The following APCDD1 variants were observed in gnomAD, a reference collection of about 807,000 sequenced individuals.
APCDD1 encodes APC down-regulated 1.
APCDD1 carries 15 observed loss-of-function variants against 38.1 expected under a neutral mutation model. The ratio of observed to expected loss-of-function variants is 0.39; its 90% confidence interval spans 0.26 to 0.61. APCDD1 has a LOEUF of 0.61. Among genes scored for constraint, APCDD1 ranks in the 20% least tolerant of loss-of-function variants. The probability of loss-of-function intolerance (pLI) is 0.49; values close to 1 mark genes in which losing one functional copy is unlikely to be tolerated. For missense variants in APCDD1, 647 were observed against 696.2 expected (o/e 0.93, Z 0.79); for synonymous variants, 261 against 279.7 (o/e 0.93, Z 0.67).
rs1000483762 is a variant in APCDD1, at chr18:10,487,474, T to C, written c.1097-116T>C. ...CAGATGGGTGGGTCTGTAGGTGGGA[T>C]TGTTTTTGGAAAAGAAAGCCTTGTC... On this transcript the variant is annotated intron_variant, in intron 4 of 4. Transcript: ENST00000355285. The C allele has an allele frequency of 9.7e-6, 10 of 1,033,092 alleles. No homozygotes were observed. In the African/African-American group the frequency reaches 1.4e-4, roughly 15 times the overall value. 64.0% of individuals were successfully genotyped at this position (1,033,092 alleles called of 1,614,324 possible). A position where few individuals can be genotyped will look rare whatever the true frequency, so the allele number is the denominator to read the frequency against.
In APCDD1 at chr18:10,472,096, G is replaced by A. The variant is rs1161729815; in HGVS notation, c.774+35G>A. 1 of 1,611,514 alleles carries A rather than the reference G, an allele frequency of 6.2e-7. No individual in the cohort carries two copies. The highest frequency in any genetic ancestry group is 1.1e-5 in the South Asian group (1 of 91,016). On this transcript the variant is annotated intron_variant, in intron 3 of 4. Transcript: ENST00000355285. The surrounding 1 kb of genome is among the most constrained non-coding windows in gnomAD (Gnocchi z 6.6). The stretch of plus-strand genomic sequence containing the variant: ...AGCTCTGTGTTCTCCTCTTTATTGA[G>A]TAAAGTGGGTGATCCTTCTTAAAGG...
rs1372991586 is a variant in APCDD1 at position 10,489,154 on chromosome 18, A to G, written c.*1116A>G. ...TGTCATTGCACATACTGGCTCACTC[A>G]GTGTCTTTCCTGCTGCTGATGTGGC... On this transcript the variant is annotated 3_prime_UTR_variant, in exon 5 of 5. Transcript: ENST00000355285. 1 of 152,360 alleles carries G rather than the reference A, an allele frequency of 6.6e-6. No individual in the cohort carries two copies. The highest frequency in any genetic ancestry group is 6.5e-5 in the Admixed American group (1 of 15,280). The allele number at this position is 152,360 out of a possible 1,614,324, so 9.4% of individuals were successfully genotyped here.
At chr18:10,481,353 G>C (rs1490184216) in intron 3 of APCDD1, among the ~76,000 whole-genome samples, 1 of 152,208 alleles carries the variant, frequency 6.6e-6, no homozygotes, top group African/African-American at 2.4e-5. Context: ...ATGAATATCA[G>C]CCTTAAAAGG....
chr18:10,482,360 C>T (rs114607775), intron 3 of APCDD1, among the ~76,000 whole-genome samples: 71 of 152,212 alleles, frequency 4.7e-4, no homozygotes, highest in African/African-American at 1.7e-3. Flanking sequence ...GTTGGGGAAG[C>T]GGGGCTGCCA....
At chr18:10,478,442 CACTT>C (rs1448043615) in intron 3 of APCDD1, among the ~76,000 whole-genome samples, 1 of 152,240 alleles carries the variant, frequency 6.6e-6, no homozygotes, top group Non-Finnish European at 1.5e-5. Context: ...GACAGCCACT[CACTT>C]CTCACAGTTC....
chr18:10,464,561 T>C (rs1310184693), intron 1 of APCDD1, among the ~76,000 whole-genome samples: 1 of 152,230 alleles, frequency 6.6e-6, no homozygotes, highest in African/African-American at 2.4e-5. Context: ...TAGCTGGGAC[T>C]ACAGGCATGT....
rs193144233 is a variant in APCDD1, at chr18:10,472,693, G to A, written c.774+632G>A. Among the ~76,000 whole-genome samples, 166 of 152,276 alleles carry A rather than the reference G, an allele frequency of 1.1e-3. No individual in the cohort carries two copies. The highest frequency in any genetic ancestry group is 3.7e-3 in the African/African-American group (153 of 41,548). ...CAAAGGTCCTTCCTCCATACCCCAC[G>A]TTCTTTTCATTTCACTAAGGAAAAT... is the stretch of plus-strand genomic sequence containing the variant. On this transcript the variant is annotated intron_variant, in intron 3 of 4. Coordinates refer to ENST00000355285, the MANE Select transcript of APCDD1 (RefSeq NM_153000.5). This position sits in a 1 kb window ranked among gnomAD's most constrained non-coding sequence, Gnocchi z 6.6.
chr18:10,471,599 G>A lies in APCDD1; in HGVS notation c.312G>A (p.Lys104=). The change falls in exon 3 of 5, where the codon AAG becomes AAA. Residue 104 remains lysine, a synonymous_variant. Transcript: ENST00000355285. The surrounding 1 kb of genome is among the most constrained non-coding windows in gnomAD (Gnocchi z 5.5). ...GATTCTACCACAATAACACCTTCAA[G>A]GCCTACCAATTTTATTATGGCAGCA... The part of the protein sequence containing the change: ...SYRFYHNNTF[K]AYQFYYGSNR... 1 of 1,614,138 alleles carries A rather than the reference G, an allele frequency of 6.2e-7. No homozygotes were observed. The highest frequency in any genetic ancestry group is 1.1e-5 in the South Asian group (1 of 91,082).
At position 10,471,466 on chromosome 18, in the gene APCDD1, TA is replaced by T; in HGVS notation, c.243-62del. 6.3e-7 allele frequency: 1 copy of T among 1,598,182 alleles called. No homozygotes were observed. The highest frequency in any genetic ancestry group is 8.6e-7 in the Non-Finnish European group (1 of 1,166,406). ...TTATTTCTGTAATTTCTTAATACTA[TA>T]ATGAATCTCTTTCCCATACCTTCAG... On this transcript the variant is annotated intron_variant, in intron 2 of 4. Transcript: ENST00000355285. The surrounding 1 kb of genome is among the most constrained non-coding windows in gnomAD (Gnocchi z 5.5).
Position 10,485,765 on chromosome 18 carries a change from A to G in APCDD1, c.1078A>G (p.Thr360Ala). 1 of 1,613,276 alleles carries G rather than the reference A, an allele frequency of 6.2e-7. No individual in the cohort carries two copies. Among genetic ancestry groups the G allele is most frequent in the Middle Eastern group, 1.7e-4 (1 of 6,060 alleles). ...CCTCTCGTCCAGGGTCATGGGAGGC[A>G]CCGAGTTCGTGTTCAAAGGTAGGAT... is the stretch of plus-strand genomic sequence containing the variant. ...GVLSSRVMGG[T>A]EFVFKVNHMK... Residue 360 changes from threonine (T) to alanine (A), a missense_variant, in exon 4 of 5, where the codon ACC (threonine) becomes GCC (alanine). Thr to Ala is a moderately conservative substitution (Grantham distance 58). Coordinates refer to ENST00000355285, the MANE Select transcript of APCDD1 (RefSeq NM_153000.5). The surrounding 1 kb of genome is among the most constrained non-coding windows in gnomAD (Gnocchi z 5.8).
At chr18:10,473,882 T>A (rs1018435659) in intron 3 of APCDD1, among the ~76,000 whole-genome samples, 7 of 151,778 alleles carry the variant, frequency 4.6e-5, no homozygotes, top group African/African-American at 1.7e-4. Flanking sequence ...GCTTCATACC[T>A]ACCTTTGGCT....
intron 3 of APCDD1, among the ~76,000 whole-genome samples, chr18:10,484,647 GA>G (rs1250545315): frequency 6.6e-6 from 1 of 152,068 alleles, no homozygotes; most frequent in East Asian, 1.9e-4. Flanking sequence ...ATCACTCTAG[GA>G]ACCTCATATA....
In APCDD1 at chr18:10,487,618, T is replaced by A; in HGVS notation, c.1125T>A (p.Asp375Glu). The A allele has an allele frequency of 2.5e-6, 4 of 1,614,158 alleles. No homozygotes were observed. The highest frequency in any genetic ancestry group is 1.7e-6 in the Non-Finnish European group (2 of 1,180,042). Residue 375 changes from aspartate to glutamate, a missense_variant, in exon 5 of 5, where the codon GAT (aspartate) becomes GAA (glutamate). Physicochemically the swap from Asp to Glu is conservative, Grantham distance 45. Transcript: ENST00000355285. Reference sequence around the variant, plus strand: ...ATCACATGAAGGTCACCCCCATGGATGCGGCCACAGCCTCACTGCTCAACG... The same window carrying A: ...ATCACATGAAGGTCACCCCCATGGAAGCGGCCACAGCCTCACTGCTCAACG... ...KVNHMKVTPM[D>E]AATASLLNVF...
intron 1 of APCDD1, among the ~76,000 whole-genome samples, chr18:10,456,774 T>C (rs2030392524): frequency 6.6e-6 from 1 of 152,126 alleles, no homozygotes; most frequent in Non-Finnish European, 1.5e-5. Flanking sequence ...GCTCCAAATC[T>C]CCTGAGTTTG....
At position 10,485,835 on chromosome 18, in the gene APCDD1, A is replaced by T; in HGVS notation, c.1096+52A>T. On this transcript the variant is annotated intron_variant, in intron 4 of 4. Transcript: ENST00000355285. The surrounding 1 kb of genome is among the most constrained non-coding windows in gnomAD (Gnocchi z 5.8). ...ATCACAGCCAATAAACAGCCCTGTGACATTTTTGTGGAGGCAGAGCTGAGG... is the reference window on the plus strand; with the variant it reads ...ATCACAGCCAATAAACAGCCCTGTGTCATTTTTGTGGAGGCAGAGCTGAGG... 1 of 1,588,462 alleles carries T rather than the reference A, an allele frequency of 6.3e-7. No homozygotes were observed. The highest frequency in any genetic ancestry group is 8.6e-7 in the Non-Finnish European group (1 of 1,167,802).
chr18:10,462,691 T>TG (rs2030602065), intron 1 of APCDD1, among the ~76,000 whole-genome samples: 1 of 142,012 alleles, frequency 7.0e-6, no homozygotes, highest in African/African-American at 2.6e-5. Context: ...CCTTCCCTCC[T>TG]TCCTTCCTTT....
At position 10,460,308 on chromosome 18, in the gene APCDD1, C is replaced by T. The variant is rs530652683; in HGVS notation, c.58+5269C>T. ...TGGGAGGCCAAGGCGGGCAGATCAC[C>T]TGCGGTCAGGAGTTGGAGACCAGCC... On this transcript the variant is annotated intron_variant, in intron 1 of 4. Coordinates refer to ENST00000355285, the MANE Select transcript of APCDD1 (RefSeq NM_153000.5). 2.6e-5 allele frequency among the ~76,000 whole-genome samples: 4 copies of T among 152,264 alleles called. No individual in the cohort carries two copies. The East Asian group carries it at 7.7e-4, about 29-fold the overall frequency.
chr18:10,460,299 G>A (rs1470449974), intron 1 of APCDD1, among the ~76,000 whole-genome samples: 1 of 152,228 alleles, frequency 6.6e-6, no homozygotes, highest in Non-Finnish European at 1.5e-5. Flanking sequence ...GCCAAGGCGG[G>A]CAGATCACCT....
At chr18:10,487,134 C>T (rs2143566674) in intron 4 of APCDD1, among the ~76,000 whole-genome samples, 1 of 152,310 alleles carries the variant, frequency 6.6e-6, no homozygotes, top group Middle Eastern at 3.4e-3. Flanking sequence ...AGAATGCCAA[C>T]CAGAATAGGT....
Sources: allele counts gnomAD v4.1 joint callset (sites outside exome capture counted in the v4.1 genomes callset), GRCh38; gene constraint gnomAD v4.1.1; non-coding constraint Gnocchi (gnomAD v3.1); transcripts MANE v1.5; gene names NCBI Gene and HGNC (gene_info 2026-07-23, HGNC 2026-07-21).